GABPB2: variants seen among roughly 807,000 people sequenced by gnomAD.
The protein encoded by GABPB2 is GA binding protein transcription factor subunit beta 2.
A neutral mutation model predicts 39.1 loss-of-function variants in GABPB2; 23 were observed. The observed-to-expected ratio is 0.59, with a 90% CI of 0.42 to 0.83. The LOEUF (loss-of-function observed/expected upper bound fraction) is 0.83, where lower values mean the gene tolerates loss of function less well. GABPB2 is among the 40% of genes least tolerant of loss of function. The probability of loss-of-function intolerance (pLI) is 0.00; values close to 1 mark genes in which losing one functional copy is unlikely to be tolerated. For missense variants in GABPB2, 467 were observed against 541.1 expected (o/e 0.86, Z 1.36); for synonymous variants, 184 against 199.3 (o/e 0.92, Z 0.65).
intron 1 of GABPB2, among the ~76,000 whole-genome samples, chr1:151,071,903 T>C (rs587698439): frequency 1.6e-4 from 25 of 152,362 alleles, no homozygotes; most frequent in Middle Eastern, 3.4e-3. Flanking sequence ...CATACTTCCT[T>C]GAGCCAGAGG....
At chr1:151,090,654 A>G in intron 3 of GABPB2, 81 bp downstream of exon 3, 1 of 1,356,902 alleles carries the variant, frequency 7.4e-7, no homozygotes, top group Non-Finnish European at 1.0e-6. Context: ...GGTACTAGGA[A>G]ATGACTTGGG....
In GABPB2 at chr1:151,122,577, G is replaced by C. The variant is rs1681221870; in HGVS notation, c.*4321G>C. 6.6e-6 allele frequency: 1 copy of C among 152,062 alleles called. No homozygotes were observed. The highest frequency in any genetic ancestry group is 1.5e-5 in the Non-Finnish European group (1 of 68,020). 9.4% of individuals were successfully genotyped at this position (152,062 alleles called of 1,614,324 possible). A position where few individuals can be genotyped will look rare whatever the true frequency, so the allele number is the denominator to read the frequency against. ...ACACCTCGCCCATTAAGGGGAAGGA[G>C]GTTAACTCTGCAGATGATATTCAGG... On this transcript the variant is annotated 3_prime_UTR_variant, in exon 9 of 9. Coordinates refer to ENST00000368918, the MANE Select transcript of GABPB2 (RefSeq NM_144618.3).
At chr1:151,078,882 G>C (rs991897035) in intron 1 of GABPB2, among the ~76,000 whole-genome samples, 1 of 151,732 alleles carries the variant, frequency 6.6e-6, no homozygotes, top group Non-Finnish European at 1.5e-5. Flanking sequence ...ATGTTGGCCA[G>C]GCTGGTCTCC....
chr1:151,116,455 T>C (rs1027315593), intron 7 of GABPB2, among the ~76,000 whole-genome samples: 15 of 151,014 alleles, frequency 9.9e-5, no homozygotes, highest in Non-Finnish European at 2.1e-4. Flanking sequence ...TAGTGTGTCA[T>C]GTGTGTTGTG....
chr1:151,083,634 T>C (rs957877626), intron 1 of GABPB2, among the ~76,000 whole-genome samples: 5 of 150,148 alleles, frequency 3.3e-5, no homozygotes, highest in Admixed American at 2.7e-4. Flanking sequence ...ACTCCGTCTC[T>C]ATAGAGAGAA....
intron 7 of GABPB2, among the ~76,000 whole-genome samples, chr1:151,113,080 A>C (rs1309008668): frequency 4.1e-5 from 6 of 146,682 alleles, no homozygotes; most frequent in Non-Finnish European, 8.9e-5. Flanking sequence ...CTAGCCCCTC[A>C]ATTTTTTTTT....
At chr1:151,091,160 T>C (rs1474111890) in intron 3 of GABPB2, among the ~76,000 whole-genome samples, 2 of 150,046 alleles carry the variant, frequency 1.3e-5, no homozygotes, top group Non-Finnish European at 3.0e-5. Context: ...CGATCTCTGC[T>C]CACCACAACC....
chr1:151,093,092 G>A, intron 3 of GABPB2, 100 bp from the exon 4 acceptor site: 1 of 877,162 alleles, frequency 1.1e-6, no homozygotes, highest in East Asian at 2.8e-5. Flanking sequence ...CTAGATTTGA[G>A]TACGTAATCT....
At chr1:151,081,929 AC>A (rs1354637646) in intron 1 of GABPB2, among the ~76,000 whole-genome samples, 1 of 151,230 alleles carries the variant, frequency 6.6e-6, no homozygotes, top group East Asian at 2.0e-4. Context: ...GAGCCACCGC[AC>A]CCAGTTGATA....
At chr1:151,109,345 T>TATATATATACACAA (rs749040579) in intron 7 of GABPB2, among the ~76,000 whole-genome samples, 29,377 of 122,806 alleles carry the variant, frequency 0.24, 3,821 homozygotes, top group African/African-American at 0.29. Flanking sequence ...TATACACAAA[T>TATATATATACACAA]ATATATATAT....
intron 5 of GABPB2, among the ~76,000 whole-genome samples, chr1:151,100,612 AGAG>A (rs1212480293): frequency 1.2e-5 from 1 of 86,116 alleles, no homozygotes; most frequent in Non-Finnish European, 2.2e-5. Flanking sequence ...TTTTTGAGAC[AGAG>A]TTTAACTCTG....
rs201733299 is a variant in GABPB2 at position 151,117,514 on chromosome 1, A to G, written c.1045A>G (p.Lys349Glu). The G allele has an allele frequency of 6.2e-6, 10 of 1,613,710 alleles. No homozygotes were observed. In the African/African-American group the frequency reaches 1.1e-4, roughly 17 times the overall value. The change falls in exon 8 of 9, where the codon AAG (lysine) becomes GAG (glutamate). Residue 349 changes from lysine to glutamate, a missense_variant and splice_region_variant. Coordinates refer to ENST00000368918, the MANE Select transcript of GABPB2 (RefSeq NM_144618.3). Reference protein sequence around the residue: ...GEKTNSVEESKEGNERELLQQ... With the variant: ...GEKTNSVEESEEGNERELLQQ... ...GAAGACAAACAGTGTGGAGGAAAGC[A>G]AGGTAATGTTTTTAGGAGTGATGAA...
At chr1:151,079,132 ATCTC>A (rs1235668814) in intron 1 of GABPB2, among the ~76,000 whole-genome samples, 2 of 152,188 alleles carry the variant, frequency 1.3e-5, no homozygotes, top group African/African-American at 4.8e-5. Flanking sequence ...GTTTAATTAT[ATCTC>A]TATATAGTAA....
intron 1 of GABPB2, among the ~76,000 whole-genome samples, chr1:151,080,215 C>CAAAAAAAA (rs57351502): frequency 5.3e-4 from 16 of 30,008 alleles, no homozygotes; most frequent in Non-Finnish European, 9.7e-4. Context: ...AACTCCATCT[C>CAAAAAAAA]AAAAAAAAAA....
intron 1 of GABPB2, among the ~76,000 whole-genome samples, chr1:151,080,230 A>G (rs1398311930): frequency 7.0e-6 from 1 of 143,250 alleles, no homozygotes; most frequent in African/African-American, 2.8e-5. Context: ...AAAAAAAAAA[A>G]AAAAAAAAAA....
intron 7 of GABPB2, among the ~76,000 whole-genome samples, chr1:151,109,461 C>A (rs1404587924): frequency 6.7e-6 from 1 of 149,668 alleles, no homozygotes; most frequent in Non-Finnish European, 1.5e-5. Flanking sequence ...TGGGTTCAAG[C>A]GATTCTCCTG....
intron 6 of GABPB2, among the ~76,000 whole-genome samples, chr1:151,104,355 T>C (rs587643933): frequency 6.6e-6 from 1 of 152,322 alleles, no homozygotes; most frequent in East Asian, 1.9e-4. Context: ...CTCCATCATA[T>C]ATGAAAGCAG....
At chr1:151,072,863 C>CA (rs1387889039) in intron 1 of GABPB2, among the ~76,000 whole-genome samples, 1 of 152,068 alleles carries the variant, frequency 6.6e-6, no homozygotes, top group Non-Finnish European at 1.5e-5. Flanking sequence ...AACAAACAAA[C>CA]AAACATACTT....
chr1:151,117,807 C>T (rs760352493), intron 8 of GABPB2, 150 bp from the exon 9 acceptor site: 21 of 824,372 alleles, frequency 2.5e-5, no homozygotes, highest in Non-Finnish European at 3.9e-5. Flanking sequence ...TGGTCTCGAA[C>T]TCTTGACCTC....
Sources: gnomAD v4.1 joint callset for allele counts (sites outside exome capture counted in the v4.1 genomes callset) on GRCh38, gnomAD v4.1.1 for gene constraint, MANE v1.5 for transcripts, NCBI Gene and HGNC (gene_info 2026-07-23, HGNC 2026-07-21) for gene names.